WBP4: variants seen among roughly 807,000 people sequenced by gnomAD.
The protein encoded by WBP4 is WW domain-binding protein 4.
A neutral mutation model predicts 55.4 loss-of-function variants in WBP4; 37 were observed. The ratio of observed to expected loss-of-function variants is 0.67; its 90% CI spans 0.51 to 0.88. The LOEUF (loss-of-function observed/expected upper bound fraction) is 0.88. Among genes scored for constraint, WBP4 ranks in the 40% least tolerant of loss-of-function variants. The pLI, the probability that WBP4 is intolerant of heterozygous loss-of-function variation, is 0.00. For missense variants in WBP4, 398 were observed against 420.8 expected (o/e 0.95, Z 0.47); for synonymous variants, 142 against 140.2 (o/e 1.01, Z -0.09).
intron 4 of WBP4, among the ~76,000 whole-genome samples, chr13:41,067,622 G>T (rs1878030772): frequency 6.6e-6 from 1 of 152,142 alleles, no homozygotes; most frequent in Non-Finnish European, 1.5e-5. Context: ...GAAGTTCAAG[G>T]CTACTAATGT....
At chr13:41,081,125 A>C (rs983796021) in intron 9 of WBP4, among the ~76,000 whole-genome samples, 8 of 152,244 alleles carry the variant, frequency 5.3e-5, no homozygotes, top group African/African-American at 1.9e-4. Context: ...TGAACCCAGG[A>C]GGTGGAGGTT....
At chr13:41,077,922 A>G (rs183462455) in intron 8 of WBP4, among the ~76,000 whole-genome samples, 137 of 152,294 alleles carry the variant, frequency 9.0e-4, no homozygotes, top group African/African-American at 3.2e-3. Context: ...AAATCTCGGA[A>G]TACATTTAAC....
At chr13:41,068,135 A>G (rs1391090431) in intron 4 of WBP4, among the ~76,000 whole-genome samples, 4 of 152,166 alleles carry the variant, frequency 2.6e-5, no homozygotes, top group Non-Finnish European at 4.4e-5. Context: ...CTTTTAGTAT[A>G]CCCATTGCCC....
intron 1 of WBP4, chr13:41,062,134 C>G (rs1455345015): frequency 9.3e-5 from 30 of 324,104 alleles, no homozygotes; most frequent in Non-Finnish European, 1.2e-4. Context: ...TGTCGGCCGT[C>G]TACGAAGTCC....
At chr13:41,077,805 A>G (rs989688378) in intron 8 of WBP4, among the ~76,000 whole-genome samples, 5 of 152,210 alleles carry the variant, frequency 3.3e-5, no homozygotes, top group African/African-American at 4.8e-5. Context: ...ATACAAAATC[A>G]CTGTACAAAA....
chr13:41,071,943 C>T (rs909699591), intron 6 of WBP4, among the ~76,000 whole-genome samples: 2 of 149,536 alleles, frequency 1.3e-5, no homozygotes, highest in Non-Finnish European at 3.0e-5. Flanking sequence ...ACTCAGGAGG[C>T]TGAGTCAGGG....
At chr13:41,062,124 T>TTTTTTGG in intron 1 of WBP4, 1 of 955,706 alleles carries the variant, frequency 1.0e-6, no homozygotes, top group Non-Finnish European at 1.2e-6. Context: ...TTTTTTTTTT[T>TTTTTTGG]GTCGGCCGTC....
chr13:41,068,386 T>A (rs1878071785), intron 4 of WBP4, among the ~76,000 whole-genome samples, 175 bp from the exon 5 acceptor site: 2 of 152,204 alleles, frequency 1.3e-5, no homozygotes, highest in African/African-American at 4.8e-5. Context: ...TTTCTTTTTA[T>A]TACAGTTTTC....
At chr13:41,075,832 T>G (rs1878455603) in intron 7 of WBP4, among the ~76,000 whole-genome samples, 1 of 152,198 alleles carries the variant, frequency 6.6e-6, no homozygotes, top group Non-Finnish European at 1.5e-5. Context: ...AGTTATAGTT[T>G]ACACATCTAG....
chr13:41,065,221 G>C lies in WBP4; in HGVS notation c.196G>C (p.Ala66Pro). ...AGAAGAAAAGGCATCAAAGGAGTTT[G>C]CTGCAATGGAGGCAGCTGCCCTGAA... ...KEEEKASKEF[A>P]AMEAAALKAY... The change falls in exon 4 of 10, where the codon GCT becomes CCT. Residue 66 changes from alanine (A) to proline (P), a missense_variant. Transcript: ENST00000379487. The C allele has an allele frequency of 1.2e-6, 2 of 1,610,502 alleles. No individual in the cohort carries two copies. Among genetic ancestry groups the C allele is most frequent in the Non-Finnish European group, 1.7e-6 (2 of 1,178,402 alleles).
At position 41,065,170 on chromosome 13, in the gene WBP4, C is replaced by G; in HGVS notation, c.145C>G (p.Gln49Glu). 1.2e-6 allele frequency: 2 copies of G among 1,607,540 alleles called. No individual in the cohort carries two copies. Among genetic ancestry groups the G allele is most frequent in the Non-Finnish European group, 1.7e-6 (2 of 1,177,814 alleles). ...TTATGTATGTCTTACATAGATTAAA[C>G]AGAAAAGCCTGGATAAGGCAAAGGA... is the stretch of plus-strand genomic sequence containing the variant. ...NVAKRISEIKQKSLDKAKEEE... is the reference protein window; with the variant it reads ...NVAKRISEIKEKSLDKAKEEE... Residue 49 changes from glutamine to glutamate, a missense_variant, in exon 4 of 10, where the codon CAG becomes GAG. By Grantham distance (29) the Gln-to-Glu change is conservative. Coordinates refer to ENST00000379487, the MANE Select transcript of WBP4 (RefSeq NM_007187.5).
At position 41,072,777 on chromosome 13, in the gene WBP4, A is replaced by G. The variant is rs761616536; in HGVS notation, c.487-5A>G. 56 of 1,612,500 alleles carry G rather than the reference A, an allele frequency of 3.5e-5. 1 individual carries two copies. The highest frequency in any genetic ancestry group is 2.2e-4 in the South Asian group (20 of 90,842). On this transcript the variant is annotated splice_region_variant and splice_polypyrimidine_tract_variant and intron_variant, in intron 6 of 9. Transcript: ENST00000379487. ...GTTTATGCTGGGTTTTTTTCCTCCT[A>G]TTAGACAGCAGTGAAGACCGTTTGG...
In WBP4 at chr13:41,061,624, C is replaced by G; in HGVS notation, c.-50C>G. On this transcript the variant is annotated 5_prime_UTR_variant, in exon 1 of 10. Transcript: ENST00000379487. ...AGCTCGACTCGTCCCGCTGGGAAAG[C>G]GCGAGTCTGAGTGGAACCCTGGACG... 1.2e-6 allele frequency: 2 copies of G among 1,613,994 alleles called. No individual in the cohort carries two copies. Among genetic ancestry groups the G allele is most frequent in the Non-Finnish European group, 8.5e-7 (1 of 1,179,988 alleles).
intron 5 of WBP4, among the ~76,000 whole-genome samples, chr13:41,071,102 CT>C (rs1202604403): frequency 2.0e-5 from 3 of 152,204 alleles, no homozygotes; most frequent in Admixed American, 6.5e-5. Flanking sequence ...CAGCATCCTA[CT>C]TTATATACTC....
At chr13:41,072,040 C>A (rs9525446) in intron 6 of WBP4, among the ~76,000 whole-genome samples, 45,183 of 138,946 alleles carry the variant, frequency 0.33, 9,174 homozygotes, top group Admixed American at 0.47. Context: ...AGTAAGACTC[C>A]GTCTCAAAAA....
intron 8 of WBP4, among the ~76,000 whole-genome samples, chr13:41,078,440 T>C (rs2138481550): frequency 6.6e-6 from 1 of 152,324 alleles, no homozygotes; most frequent in East Asian, 1.9e-4. Flanking sequence ...GCTAGCTGTA[T>C]GCAGAAGAAT....
At chr13:41,063,599 T>A (rs1047368316) in intron 2 of WBP4, among the ~76,000 whole-genome samples, 3 of 152,186 alleles carry the variant, frequency 2.0e-5, no homozygotes, top group African/African-American at 7.2e-5. Context: ...AGTCTCTCTT[T>A]CTTGGAGGTA....
At chr13:41,072,450 C>G (rs1413009803) in intron 6 of WBP4, among the ~76,000 whole-genome samples, 1 of 152,230 alleles carries the variant, frequency 6.6e-6, no homozygotes, top group Non-Finnish European at 1.5e-5. Context: ...AAAACAGTCA[C>G]ATCTTACATG....
intron 9 of WBP4, among the ~76,000 whole-genome samples, chr13:41,082,476 C>G (rs1878825456): frequency 6.6e-6 from 1 of 152,072 alleles, no homozygotes; most frequent in African/African-American, 2.4e-5. Context: ...ATAATGCATC[C>G]TTTGTGCAAC....
Sources: allele counts gnomAD v4.1 joint callset (sites outside exome capture counted in the v4.1 genomes callset), GRCh38; gene constraint gnomAD v4.1.1; transcripts MANE v1.5; gene names NCBI Gene and HGNC (gene_info 2026-07-23, HGNC 2026-07-21).